SNTB1: variants seen among roughly 807,000 people sequenced by gnomAD.
SNTB1 encodes the protein syntrophin beta 1, also known as beta-1-syntrophin.
In SNTB1, 36 loss-of-function variants were observed where a neutral mutation model predicts 48.9. That is an observed-to-expected ratio of 0.74 (90% confidence interval 0.56 to 0.97). The LOEUF is 0.97. SNTB1 is among the 50% of genes least tolerant of loss of function. The probability of loss-of-function intolerance (pLI) is 0.00; values close to 1 mark genes in which losing one functional copy is unlikely to be tolerated. For synonymous variants in SNTB1, 299 were observed against 294.6 expected (o/e 1.01, Z -0.15); for missense variants, 786 against 703.4 (o/e 1.12, Z -1.33).
intron 1 of SNTB1, among the ~76,000 whole-genome samples, chr8:120,721,496 A>G (rs1818658287): frequency 6.6e-6 from 1 of 152,238 alleles, no homozygotes. Flanking sequence ...TTCAACTGTT[A>G]TCCTAACTTC....
chr8:120,754,372 G>A (rs779155210), intron 1 of SNTB1, among the ~76,000 whole-genome samples: 2 of 152,056 alleles, frequency 1.3e-5, no homozygotes, highest in Non-Finnish European at 2.9e-5. Flanking sequence ...GGTGGTGTAT[G>A]CCTGTAGTAC....
chr8:120,632,222 C>T (rs1011898949), intron 3 of SNTB1, among the ~76,000 whole-genome samples: 1 of 152,136 alleles, frequency 6.6e-6, no homozygotes, highest in Non-Finnish European at 1.5e-5. Context: ...ACCTGGACCC[C>T]GTGCAATTTG....
At chr8:120,740,647 A>G (rs1366181300) in intron 1 of SNTB1, among the ~76,000 whole-genome samples, 1 of 152,190 alleles carries the variant, frequency 6.6e-6, no homozygotes, top group Non-Finnish European at 1.5e-5. Flanking sequence ...TCTCCATAGC[A>G]GCAAATAGGA....
At chr8:120,795,694 G>A (rs554671382) in intron 1 of SNTB1, among the ~76,000 whole-genome samples, 2 of 151,946 alleles carry the variant, frequency 1.3e-5, no homozygotes, top group African/African-American at 4.8e-5. Context: ...TCATTGTCTC[G>A]CAGTTCTGAA....
At chr8:120,602,702 T>C (rs1474216405) in intron 3 of SNTB1, among the ~76,000 whole-genome samples, 3 of 152,180 alleles carry the variant, frequency 2.0e-5, no homozygotes, top group Non-Finnish European at 2.9e-5. Flanking sequence ...AGAATCCTGA[T>C]ACACTACATA....
chr8:120,784,694 T>C (rs1013674362), intron 1 of SNTB1, among the ~76,000 whole-genome samples: 2 of 152,230 alleles, frequency 1.3e-5, no homozygotes, highest in Admixed American at 6.5e-5. Context: ...AGATGGTGGA[T>C]TGGAGGCATT....
intron 3 of SNTB1, among the ~76,000 whole-genome samples, chr8:120,615,109 C>T (rs1816692013): frequency 6.6e-6 from 1 of 152,046 alleles, no homozygotes; most frequent in African/African-American, 2.4e-5. Context: ...CGAGATTGCG[C>T]CACTGCACTC....
At chr8:120,702,181 G>A (rs1818318783) in intron 1 of SNTB1, among the ~76,000 whole-genome samples, 1 of 152,196 alleles carries the variant, frequency 6.6e-6, no homozygotes. Context: ...CTACCCTTAA[G>A]GTGCTTGCAT....
intron 2 of SNTB1, among the ~76,000 whole-genome samples, chr8:120,685,746 G>A (rs181094677): frequency 3.3e-5 from 5 of 152,100 alleles, no homozygotes; most frequent in Non-Finnish European, 5.9e-5. Flanking sequence ...AGATCTTTAA[G>A]TGTTGCATCT....
intron 1 of SNTB1, among the ~76,000 whole-genome samples, chr8:120,724,485 T>C (rs75539153): frequency 2.0e-5 from 3 of 152,148 alleles, no homozygotes; most frequent in Admixed American, 6.5e-5. Context: ...AAAGCTATTT[T>C]TAGTTGAGAT....
intron 1 of SNTB1, among the ~76,000 whole-genome samples, chr8:120,747,823 T>C (rs986222198): frequency 6.6e-6 from 1 of 152,094 alleles, no homozygotes; most frequent in African/African-American, 2.4e-5. Flanking sequence ...GAACTTAACA[T>C]AAATTTCAAA....
At chr8:120,638,204 GA>G (rs1817115950) in intron 2 of SNTB1, 1 of 152,116 alleles carries the variant, frequency 6.6e-6, no homozygotes, top group African/African-American at 2.4e-5. Context: ...TTATCAATAA[GA>G]AAGGTTGGAT....
intron 1 of SNTB1, among the ~76,000 whole-genome samples, chr8:120,708,300 T>C (rs1818411466): frequency 6.6e-6 from 1 of 151,742 alleles, no homozygotes; most frequent in African/African-American, 2.4e-5. Context: ...AATTTTAAAA[T>C]TTATTCTTTA....
intron 1 of SNTB1, among the ~76,000 whole-genome samples, chr8:120,736,555 T>C (rs951486173): frequency 2.0e-5 from 3 of 152,144 alleles, no homozygotes; most frequent in African/African-American, 4.8e-5. Context: ...GAAATAACAT[T>C]TCCGTGATGT....
chr8:120,663,426 C>T (rs751722039), intron 2 of SNTB1, among the ~76,000 whole-genome samples: 32 of 152,190 alleles, frequency 2.1e-4, no homozygotes, highest in Non-Finnish European at 4.4e-4. Flanking sequence ...CCTGCCTCAG[C>T]CTCCCGAGTA....
chr8:120,749,976 G>A (rs1819184003), intron 1 of SNTB1, among the ~76,000 whole-genome samples: 1 of 152,106 alleles, frequency 6.6e-6, no homozygotes. Context: ...CACAGAACAT[G>A]AACAGAAATT....
At chr8:120,550,542 T>A (rs1205612871) in intron 4 of SNTB1, among the ~76,000 whole-genome samples, 7 of 126,672 alleles carry the variant, frequency 5.5e-5, no homozygotes, top group Admixed American at 8.4e-5. Flanking sequence ...ACTCTGTCTT[T>A]AAAAAAAAAA....
At chr8:120,805,094 G>A (rs1239166617) in intron 1 of SNTB1, among the ~76,000 whole-genome samples, 59 of 152,082 alleles carry the variant, frequency 3.9e-4, no homozygotes, top group Admixed American at 3.9e-3. Context: ...TATATAAATC[G>A]ATGAGAAACT....
intron 2 of SNTB1, among the ~76,000 whole-genome samples, chr8:120,672,476 G>A (rs1198159911): frequency 3.3e-5 from 5 of 152,168 alleles, no homozygotes; most frequent in Non-Finnish European, 5.9e-5. Context: ...TCAATCCTGG[G>A]GGTGAGGATG....
Sources: allele counts gnomAD v4.1 joint callset (sites outside exome capture counted in the v4.1 genomes callset), GRCh38; gene constraint gnomAD v4.1.1; transcripts MANE v1.5; gene names NCBI Gene and HGNC (gene_info 2026-07-23, HGNC 2026-07-21).